The following INSL6 variants were observed in gnomAD, a reference collection of about 807,000 sequenced individuals.
The protein encoded by INSL6 is insulin-like peptide INSL6.
Under a neutral mutation model 9.4 loss-of-function variants are expected in INSL6, and 16 were observed. The ratio of observed to expected loss-of-function variants is 1.70; its 90% CI spans 1.15 to 2.59. The LOEUF (loss-of-function observed/expected upper bound fraction) is 2.59, where lower values mean the gene tolerates loss of function less well. Ranked by LOEUF, INSL6 falls within the 30% of genes most tolerant of loss-of-function variation. The probability of loss-of-function intolerance (pLI) is 0.00; values close to 1 mark genes in which losing one functional copy is unlikely to be tolerated. For missense variants in INSL6, 391 were observed against 257.3 expected, an observed-to-expected ratio of 1.52 and a Z score of -3.56; for synonymous variants, 154 against 96.9, an observed-to-expected ratio of 1.59 and a Z score of -3.46.
At chr9:5,114,683 C>T in the INSL6 span, 1 of 427,398 alleles carries the variant, frequency 2.3e-6, no homozygotes, top group East Asian at 6.1e-5. Flanking sequence ...TCTTAGTCTT[C>T]AGCTGCCTGG....
At chr9:5,040,782 G>A in the INSL6 span, among the ~76,000 whole-genome samples, 1 of 152,246 alleles carries the variant, frequency 6.6e-6, no homozygotes, top group Non-Finnish European at 1.5e-5. Flanking sequence ...CCCTTAACAT[G>A]CGGTGGCTGG....
the INSL6 span, among the ~76,000 whole-genome samples, chr9:5,077,949 C>T: frequency 6.6e-6 from 1 of 152,162 alleles, no homozygotes; most frequent in East Asian, 1.9e-4. Context: ...ACCAGGGGGA[C>T]TGCCAGTCAT....
the INSL6 span, among the ~76,000 whole-genome samples, chr9:5,102,185 G>A: frequency 6.6e-6 from 1 of 152,294 alleles, no homozygotes; most frequent in Admixed American, 6.5e-5. Flanking sequence ...ACAGTGTAGA[G>A]AAGACCTTAA....
the INSL6 span, among the ~76,000 whole-genome samples, chr9:5,055,224 TATTA>T: frequency 1.3e-5 from 2 of 152,074 alleles, no homozygotes; most frequent in Non-Finnish European, 2.9e-5. Flanking sequence ...AAAAGATTGA[TATTA>T]ATTGATTTTA....
At chr9:5,056,687 A>G in the INSL6 span, among the ~76,000 whole-genome samples, 1 of 152,198 alleles carries the variant, frequency 6.6e-6, no homozygotes, top group South Asian at 2.1e-4. Flanking sequence ...AAAGCTTGAT[A>G]AATATTTTAT....
the INSL6 span, among the ~76,000 whole-genome samples, chr9:5,016,064 A>C: frequency 2.0e-5 from 3 of 152,188 alleles, no homozygotes; most frequent in African/African-American, 7.2e-5. Context: ...GGATGACTAG[A>C]GGCAGGTCCA....
the INSL6 span, chr9:5,041,901 G>A: frequency 2.1e-4 from 84 of 409,614 alleles, no homozygotes; most frequent in African/African-American, 1.4e-3. Flanking sequence ...CGCCTGCAGA[G>A]ATGGAGGTGG....
At chr9:5,069,865 T>A in the INSL6 span, 2 of 1,159,048 alleles carry the variant, frequency 1.7e-6, no homozygotes, top group Admixed American at 4.8e-5. Flanking sequence ...TACTCCTCTT[T>A]GGAGCAATTC....
chr9:5,116,089 T>G, the INSL6 span, among the ~76,000 whole-genome samples: 1 of 152,186 alleles, frequency 6.6e-6, no homozygotes, highest in East Asian at 1.9e-4. Flanking sequence ...GAACATTTAT[T>G]GTAGGCTTAC....
intron 3 of INSL6, chr9:5,128,080 TTGTGTGTGTGTGTGTG>T (rs139964957): frequency 1.2e-4 from 27 of 224,800 alleles, no homozygotes; most frequent in African/African-American, 3.5e-4. Context: ...ATGGTGGGTT[TTGTGTGTGTGTGTGTG>T]TGTGTGTGTG....
chr9:5,090,562 A>G, the INSL6 span: 1 of 1,575,886 alleles, frequency 6.3e-7, no homozygotes, highest in Non-Finnish European at 8.6e-7. Context: ...CACATCTCAG[A>G]TATGCAAGGT....
At chr9:5,096,958 A>C in the INSL6 span, 1 of 152,090 alleles carries the variant, frequency 6.6e-6, no homozygotes. Context: ...CCACGGATAA[A>C]TAATAATGAG....
chr9:5,114,790 C>T, the INSL6 span: 7 of 303,654 alleles, frequency 2.3e-5, no homozygotes, highest in African/African-American at 1.5e-4. Flanking sequence ...TAACTGTTGT[C>T]TGTAAATCCC....
rs539733285 is a variant in INSL6 at position 5,180,465 on chromosome 9, C to T, written c.289+4849G>A. On this transcript the variant is annotated intron_variant, in intron 1 of 1. Transcript: ENST00000381641. ...GGATGTGCAAGTAGGGAAGATATCA[C>T]TAAATTCTTTTTCCTAGCAAGGAAT... 7.2e-5 allele frequency among the ~76,000 whole-genome samples: 11 copies of T among 152,240 alleles called. No homozygotes were observed. The South Asian group carries it at 2.3e-3, about 32-fold the overall frequency.
intron 3 of INSL6, chr9:5,128,132 A>T (rs1824125668): frequency 4.3e-6 from 1 of 230,506 alleles, no homozygotes; most frequent in Admixed American, 5.7e-5. Context: ...TATTTATACA[A>T]AACTTAAAAT....
chr9:5,089,171 T>C, the INSL6 span, among the ~76,000 whole-genome samples: 63 of 152,336 alleles, frequency 4.1e-4, no homozygotes, highest in African/African-American at 1.4e-3. Context: ...AGAAATTAAA[T>C]TTACAGATTT....
the INSL6 span, among the ~76,000 whole-genome samples, chr9:5,014,164 C>CTTTTT: frequency 2.6e-4 from 30 of 117,498 alleles, no homozygotes; most frequent in Middle Eastern, 4.9e-3. Context: ...TTTACTCTTT[C>CTTTTT]TTTTTTTTTT....
At chr9:5,110,774 T>G in the INSL6 span, 1 of 385,350 alleles carries the variant, frequency 2.6e-6, no homozygotes, top group Non-Finnish European at 5.0e-6. Context: ...CATGCAGGAG[T>G]GGTAAGGGCC....
the INSL6 span, among the ~76,000 whole-genome samples, chr9:5,061,479 C>G: frequency 2.6e-5 from 4 of 152,346 alleles, no homozygotes; most frequent in Non-Finnish European, 4.4e-5. Flanking sequence ...ATGCTGTGCA[C>G]ATGGCTTCTT....
Sources: allele counts gnomAD v4.1 joint callset (sites outside exome capture counted in the v4.1 genomes callset), GRCh38; gene constraint gnomAD v4.1.1; transcripts MANE v1.5; gene names NCBI Gene and HGNC (gene_info 2026-07-23, HGNC 2026-07-21).